C1orf105: variants seen among roughly 807,000 people sequenced by gnomAD.
C1orf105 encodes uncharacterized protein C1orf105.
A neutral mutation model predicts 20.8 loss-of-function variants in C1orf105; 17 were observed. The observed-to-expected ratio is 0.82, with a 90% CI of 0.56 to 1.23. C1orf105 has a LOEUF of 1.23. Ranked by LOEUF, C1orf105 falls within the 50% of genes most tolerant of loss-of-function variation. C1orf105 has a pLI of 0.00. For synonymous variants in C1orf105, 72 were observed against 72.1 expected (o/e 1.00, Z 0.01); for missense variants, 219 against 213.5 (o/e 1.03, Z -0.16).
rs193264013 is a variant in C1orf105, at chr1:172,433,539, G to A, written c.22-11534G>A. Among the ~76,000 whole-genome samples the A allele has an allele frequency of 1.7e-3, 260 of 152,176 alleles. 1 individual carries two copies. Among genetic ancestry groups the A allele is most frequent in the African/African-American group, 6.0e-3 (248 of 41,512 alleles). On this transcript the variant is annotated intron_variant, in intron 1 of 6. Transcript: ENST00000367727. ...GTGAAGGAGAAATAAAATCCTTTAC[G>A]GACAAACAAATGCTGAGAGATGTTG... is the stretch of plus-strand genomic sequence containing the variant.
chr1:172,430,593 C>T (rs760474498), intron 1 of C1orf105, among the ~76,000 whole-genome samples: 38 of 152,060 alleles, frequency 2.5e-4, no homozygotes, highest in Non-Finnish European at 5.0e-4. Context: ...CACGCATCAC[C>T]ACCTCCAGTT....
chr1:172,445,249 C>A, intron 2 of C1orf105, 91 bp downstream of exon 2: 1 of 989,104 alleles, frequency 1.0e-6, no homozygotes, highest in Non-Finnish European at 1.5e-6. Flanking sequence ...TATCAGAGGG[C>A]ACATTTGATC....
Position 172,432,611 on chromosome 1 carries a change from G to A in C1orf105, c.21+11705G>A, listed in dbSNP as rs541156040. Among the ~76,000 whole-genome samples the A allele has an allele frequency of 7.2e-5, 11 of 152,266 alleles. 1 individual carries two copies. The South Asian group carries it at 1.5e-3, about 20-fold the overall frequency. On this transcript the variant is annotated intron_variant, in intron 1 of 6. Transcript: ENST00000367727. ...ATCTACACCAAAACCCTATCTGTAG[G>A]TCACCAACATCAAACACCAAAGGTA... is the stretch of plus-strand genomic sequence containing the variant.
intron 6 of C1orf105, among the ~76,000 whole-genome samples, chr1:172,467,978 C>A (rs1365731542): frequency 6.6e-6 from 1 of 152,172 alleles, no homozygotes; most frequent in Non-Finnish European, 1.5e-5. Context: ...TCTGTCCCTA[C>A]TGTAGCCTTT....
intron 6 of C1orf105, among the ~76,000 whole-genome samples, chr1:172,466,983 C>T (rs1240163705): frequency 2.6e-5 from 4 of 152,156 alleles, no homozygotes; most frequent in Non-Finnish European, 4.4e-5. Flanking sequence ...AGGCTAGAAG[C>T]GATGAGACCT....
At chr1:172,439,494 G>C (rs1213515356) in intron 1 of C1orf105, among the ~76,000 whole-genome samples, 1 of 151,974 alleles carries the variant, frequency 6.6e-6, no homozygotes, top group Non-Finnish European at 1.5e-5. Context: ...CTTCATCCTT[G>C]CATCTATCCC....
At chr1:172,434,587 G>A (rs1397772559) in intron 1 of C1orf105, among the ~76,000 whole-genome samples, 1 of 152,202 alleles carries the variant, frequency 6.6e-6, no homozygotes, top group Non-Finnish European at 1.5e-5. Context: ...CAGAATCTCT[G>A]GGATGCATTT....
In C1orf105 at chr1:172,420,760, C is replaced by G; in HGVS notation, c.-126C>G. 1 of 865,036 alleles carries G rather than the reference C, an allele frequency of 1.2e-6. No homozygotes were observed. The highest frequency in any genetic ancestry group is 2.6e-5 in the East Asian group (1 of 38,108). 53.6% of individuals were successfully genotyped at this position (865,036 alleles called of 1,614,324 possible). A position where few individuals can be genotyped will look rare whatever the true frequency, so the allele number is the denominator to read the frequency against. On this transcript the variant is annotated 5_prime_UTR_variant, in exon 1 of 7. Transcript: ENST00000367727. ...AAACTGTAAACTGGCCTGTTTACTT[C>G]GTCTCCTAACAAAAAACACTTTGGA... is the stretch of plus-strand genomic sequence containing the variant.
intron 1 of C1orf105, among the ~76,000 whole-genome samples, chr1:172,437,396 T>A (rs2072071917): frequency 6.6e-6 from 1 of 152,070 alleles, no homozygotes; most frequent in African/African-American, 2.4e-5. Flanking sequence ...CATAGAATAC[T>A]ATGCAGCCAT....
intron 2 of C1orf105, among the ~76,000 whole-genome samples, chr1:172,446,081 TA>T (rs906141743): frequency 4.0e-5 from 6 of 151,548 alleles, no homozygotes; most frequent in Non-Finnish European, 7.4e-5. Flanking sequence ...TACTGTACAT[TA>T]AAAAAAAATC....
intron 1 of C1orf105, among the ~76,000 whole-genome samples, chr1:172,425,185 T>A (rs1019076538): frequency 6.6e-6 from 1 of 152,146 alleles, no homozygotes; most frequent in Non-Finnish European, 1.5e-5. Flanking sequence ...AGGCCATTTG[T>A]CTTTCTAAGC....
At chr1:172,449,267 G>A (rs1648345568) in intron 3 of C1orf105, among the ~76,000 whole-genome samples, 1 of 152,136 alleles carries the variant, frequency 6.6e-6, no homozygotes, top group Non-Finnish European at 1.5e-5. Flanking sequence ...AGAGATGAGT[G>A]AGTCAGCCGC....
At chr1:172,426,752 T>C (rs1341237103) in intron 1 of C1orf105, among the ~76,000 whole-genome samples, 3 of 152,196 alleles carry the variant, frequency 2.0e-5, no homozygotes, top group African/African-American at 7.2e-5. Flanking sequence ...TATTCACCTT[T>C]ATGCTGTCCC....
At chr1:172,429,848 C>T (rs752264958) in intron 1 of C1orf105, among the ~76,000 whole-genome samples, 6 of 152,198 alleles carry the variant, frequency 3.9e-5, no homozygotes, top group Non-Finnish European at 8.8e-5. Flanking sequence ...CATCCTATTG[C>T]TCTACTTCTT....
At chr1:172,425,749 C>T (rs1051403531) in intron 1 of C1orf105, among the ~76,000 whole-genome samples, 1 of 152,162 alleles carries the variant, frequency 6.6e-6, no homozygotes, top group South Asian at 2.1e-4. Context: ...TCAAAATGCA[C>T]ATAACCCAGA....
intron 1 of C1orf105, chr1:172,441,779 GC>G: frequency 6.3e-7 from 1 of 1,599,954 alleles, no homozygotes; most frequent in Non-Finnish European, 8.5e-7. Context: ...TCATCCCAAG[GC>G]CCATGAATGT....
intron 3 of C1orf105, chr1:172,453,068 T>A: frequency 6.4e-7 from 1 of 1,550,624 alleles, no homozygotes; most frequent in Non-Finnish European, 8.7e-7. Flanking sequence ...AATGTTTGCG[T>A]CGCCTTTAAA....
chr1:172,448,345 C>T lies in C1orf105; in HGVS notation c.108-96C>T, dbSNP rs574549469. ...CAGAACTGGAGTGGAAGATAGCTCC[C>T]TGTGGTGTCCCTTGTATTCTCTCAG... On this transcript the variant is annotated intron_variant, in intron 2 of 6. Transcript: ENST00000367727. 37 of 788,542 alleles carry T rather than the reference C, an allele frequency of 4.7e-5. No individual in the cohort carries two copies. In the East Asian group the frequency reaches 8.9e-4, roughly 19 times the overall value. 48.8% of individuals were successfully genotyped at this position (788,542 alleles called of 1,614,324 possible). A position where few individuals can be genotyped will look rare whatever the true frequency, so the allele number is the denominator to read the frequency against.
At chr1:172,459,737 C>A (rs981613971) in intron 4 of C1orf105, among the ~76,000 whole-genome samples, 3 of 152,064 alleles carry the variant, frequency 2.0e-5, no homozygotes, top group African/African-American at 7.2e-5. Flanking sequence ...TATTCACACA[C>A]AAAATTCTAC....
Sources: allele counts gnomAD v4.1 joint callset (sites outside exome capture counted in the v4.1 genomes callset), GRCh38; gene constraint gnomAD v4.1.1; transcripts MANE v1.5; gene names NCBI Gene and HGNC (gene_info 2026-07-23, HGNC 2026-07-21).